The following HDX variants were observed in gnomAD, a reference collection of about 807,000 sequenced individuals.
HDX encodes the protein chromosome X open reading frame 43.
Under a neutral mutation model 45.2 loss-of-function variants are expected in HDX, and 19 were observed. That is an observed-to-expected ratio of 0.42 (90% confidence interval 0.29 to 0.62). The LOEUF is 0.62. Among genes scored for constraint, HDX ranks in the 20% least tolerant of loss-of-function variants. HDX has a pLI of 0.20. For missense variants in HDX, 532 were observed against 493.9 expected (o/e 1.08, Z -0.73); for synonymous variants, 188 against 172.8 (o/e 1.09, Z -0.69).
At chrX:84,498,007 A>G (rs1018838327) in intron 1 of HDX, among the ~76,000 whole-genome samples, 1 of 111,581 alleles carries the variant, frequency 9.0e-6, no homozygotes, top group African/African-American at 3.3e-5. Context: ...AACTGTCCCT[A>G]ACTCCAAGGG....
At chrX:84,361,705 G>T in intron 5 of HDX, 93 bp from the exon 6 acceptor site, 1 of 602,702 alleles carries the variant, frequency 1.7e-6, no homozygotes, top group Non-Finnish European at 2.4e-6. Flanking sequence ...GGTGAGATGT[G>T]CTACGATACT....
At chrX:84,501,648 G>C (rs1043666278) in intron 1 of HDX, 4 of 112,127 alleles carry the variant, frequency 3.6e-5, no homozygotes, top group African/African-American at 1.3e-4. Flanking sequence ...TGGAAATTTA[G>C]AATGTGCCTT....
At chrX:84,500,459 C>A (rs961629824) in intron 1 of HDX, among the ~76,000 whole-genome samples, 5 of 98,976 alleles carry the variant, frequency 5.1e-5, no homozygotes, top group Non-Finnish European at 8.3e-5. Context: ...CACACACACA[C>A]ACACACACAC....
chrX:84,388,805 A>T (rs1369218803), intron 5 of HDX, among the ~76,000 whole-genome samples: 1 of 112,147 alleles, frequency 8.9e-6, no homozygotes, highest in Non-Finnish European at 1.9e-5. Flanking sequence ...CTGTCATTTC[A>T]GTCACTTCAG....
chrX:84,323,583 C>A (rs2036644233), intron 10 of HDX, among the ~76,000 whole-genome samples: 1 of 111,367 alleles, frequency 9.0e-6, no homozygotes, highest in African/African-American at 3.2e-5. Flanking sequence ...TTATTTATTT[C>A]TTTGTTACTG....
intron 6 of HDX, among the ~76,000 whole-genome samples, chrX:84,354,789 C>T (rs762794343): frequency 2.8e-5 from 3 of 106,491 alleles, no homozygotes; most frequent in Non-Finnish European, 5.8e-5. Flanking sequence ...AATTCTGTTT[C>T]GGTAGGTCTA....
chrX:84,337,201 G>C (rs933988392), intron 7 of HDX, among the ~76,000 whole-genome samples: 3 of 110,652 alleles, frequency 2.7e-5, no homozygotes, highest in African/African-American at 9.8e-5. Flanking sequence ...AATTGAAATA[G>C]AAGAACAGTA....
chrX:84,499,321 C>A (rs1490261146), intron 1 of HDX, among the ~76,000 whole-genome samples: 1 of 111,352 alleles, frequency 9.0e-6, no homozygotes, highest in African/African-American at 3.3e-5. Context: ...AATTGTAAAA[C>A]AAGCCTTAAA....
At chrX:84,473,155 C>A (rs1182520429) in intron 3 of HDX, among the ~76,000 whole-genome samples, 1 of 107,881 alleles carries the variant, frequency 9.3e-6, no homozygotes, top group African/African-American at 3.4e-5. Context: ...TCTTTGTTTT[C>A]TTGTTTTTTT....
chrX:84,393,144 T>C (rs1031771399), intron 5 of HDX, among the ~76,000 whole-genome samples: 1 of 111,952 alleles, frequency 8.9e-6, no homozygotes, highest in Non-Finnish European at 1.9e-5. Context: ...AGTATGATGT[T>C]ACCTGTGGAT....
At position 84,320,613 on chromosome X, in the gene HDX, A is replaced by C. The variant is rs772701189; in HGVS notation, c.*1276T>G. 2.7e-5 allele frequency: 3 copies of C among 111,298 alleles called. No individual in the cohort carries two copies. Among genetic ancestry groups the C allele is most frequent in the Non-Finnish European group, 5.7e-5 (3 of 52,516 alleles). 9.2% of individuals were successfully genotyped at this position (111,298 alleles called of 1,213,427 possible). On this transcript the variant is annotated 3_prime_UTR_variant, in exon 11 of 11. Coordinates refer to ENST00000373177, the MANE Select transcript of HDX (RefSeq NM_001177479.2). ...CATCCAGCTACTTCATTAATCTTTT[A>C]GGTATAGATAGTAATTTAACCATGC...
At chrX:84,443,258 G>A (rs903871698) in intron 4 of HDX, among the ~76,000 whole-genome samples, 7 of 111,143 alleles carry the variant, frequency 6.3e-5, no homozygotes, top group African/African-American at 2.3e-4. Context: ...TCAAATTTGG[G>A]AAGCTTTATT....
Position 84,425,070 on chromosome X carries a change from G to T in HDX, c.1305+15462C>A, listed in dbSNP as rs1056984572. Among the ~76,000 whole-genome samples, 7 of 110,797 alleles carry T rather than the reference G, an allele frequency of 6.3e-5. No individual in the cohort carries two copies. In the Admixed American group the frequency reaches 6.7e-4, roughly 11 times the overall value. On this transcript the variant is annotated intron_variant, in intron 5 of 10. Coordinates refer to ENST00000373177, the MANE Select transcript of HDX (RefSeq NM_001177479.2). ...GAAATATTTGCAAACTACCCATCTG[G>T]CAAGATATCAATAACCAGAATATAT...
chrX:84,458,621 A>T (rs2040167243), intron 4 of HDX, among the ~76,000 whole-genome samples: 1 of 111,514 alleles, frequency 9.0e-6, no homozygotes, highest in Non-Finnish European at 1.9e-5. Flanking sequence ...TTGCCCTTCC[A>T]GTCAATTTCA....
At chrX:84,430,409 C>T (rs1267988347) in intron 5 of HDX, among the ~76,000 whole-genome samples, 1 of 110,596 alleles carries the variant, frequency 9.0e-6, no homozygotes, top group African/African-American at 3.3e-5. Flanking sequence ...TTTCTTTATC[C>T]ATTCATCTGT....
At chrX:84,400,923 G>A (rs1224801919) in intron 5 of HDX, among the ~76,000 whole-genome samples, 1 of 111,216 alleles carries the variant, frequency 9.0e-6, no homozygotes, top group Non-Finnish European at 1.9e-5. Flanking sequence ...TCTGATCTTC[G>A]ACAAACCTGA....
chrX:84,456,901 G>A (rs773511476), intron 4 of HDX, among the ~76,000 whole-genome samples: 3 of 111,572 alleles, frequency 2.7e-5, no homozygotes, highest in South Asian at 7.5e-4. Flanking sequence ...CGGGTAAAGA[G>A]ACAGATAGAC....
intron 5 of HDX, among the ~76,000 whole-genome samples, chrX:84,366,808 G>A (rs1337604321): frequency 3.6e-5 from 4 of 111,865 alleles, no homozygotes; most frequent in Non-Finnish European, 7.5e-5. Flanking sequence ...GCAGAAAACT[G>A]AAACTGGATC....
At chrX:84,327,357 T>C (rs745700052) in intron 9 of HDX, among the ~76,000 whole-genome samples, 3 of 111,538 alleles carry the variant, frequency 2.7e-5, no homozygotes, top group Admixed American at 9.6e-5. Context: ...TCAAATAAGA[T>C]AATGGCCATG....
Sources: gnomAD v4.1 joint callset for allele counts (sites outside exome capture counted in the v4.1 genomes callset) on GRCh38, gnomAD v4.1.1 for gene constraint, MANE v1.5 for transcripts, NCBI Gene and HGNC (gene_info 2026-07-23, HGNC 2026-07-21) for gene names.